Variants in LRRC27 observed in about 807,000 individuals in gnomAD.
The protein encoded by LRRC27 is leucine rich repeat containing 27, also known as leucine-rich repeat-containing protein 27.
Under a neutral mutation model 55.0 loss-of-function variants are expected in LRRC27, and 57 were observed. The ratio of observed to expected loss-of-function variants is 1.04; its 90% CI spans 0.84 to 1.29. LRRC27 has a LOEUF of 1.29. LRRC27 is among the 50% of genes most tolerant of loss of function. LRRC27 has a pLI of 0.00. For missense variants in LRRC27, 721 were observed against 651.5 expected (o/e 1.11, Z -1.16); for synonymous variants, 278 against 251.9 (o/e 1.10, Z -0.98).
intron 9 of LRRC27, among the ~76,000 whole-genome samples, chr10:132,363,158 G>T (rs1229642312): frequency 8.6e-6 from 1 of 116,172 alleles, no homozygotes; most frequent in Admixed American, 8.2e-5. Flanking sequence ...AGCTCGGGGG[G>T]CCAGGGTTCA....
rs2069318307 is a variant in LRRC27, at chr10:132,375,223, ATG to A, written c.1576_1577del (p.Val526SerfsTer77). On this transcript the variant is annotated frameshift_variant, in exon 11 of 11. Coordinates refer to ENST00000368614, the MANE Select transcript of LRRC27 (RefSeq NM_030626.3). LOFTEE classifies it high-confidence loss of function. ...AACACAAAATATGGAGAATCAGGAA[ATG>A]TTCGCAGATACCAGTGACACCAGGT... The A allele has an allele frequency of 6.2e-7, 1 of 1,613,264 alleles. No individual in the cohort carries two copies. The highest frequency in any genetic ancestry group is 1.3e-5 in the African/African-American group (1 of 75,022).
chr10:132,343,851 G>C (rs1274971917), intron 4 of LRRC27, among the ~76,000 whole-genome samples: 1 of 152,208 alleles, frequency 6.6e-6, no homozygotes. Flanking sequence ...TCATTCCGGG[G>C]ACTTCGCCCT....
In LRRC27 at chr10:132,380,341, A is replaced by G. The variant is rs114078529; in HGVS notation, c.*5099A>G. Among the ~76,000 whole-genome samples the G allele has an allele frequency of 2.2e-4, 34 of 152,148 alleles. No homozygotes were observed. Among genetic ancestry groups the G allele is most frequent in the African/African-American group, 8.0e-4 (33 of 41,478 alleles). On this transcript the variant is annotated 3_prime_UTR_variant, in exon 11 of 11. Coordinates refer to ENST00000368614, the MANE Select transcript of LRRC27 (RefSeq NM_030626.3). ...ATTAAATTATAACTGCATGAAATTA[A>G]CTGCAGTCCACAGTGTGCTGCTGGA... is the stretch of plus-strand genomic sequence containing the variant.
chr10:132,353,184 G>C (rs2068148706), intron 7 of LRRC27: 1 of 1,408,312 alleles, frequency 7.1e-7, no homozygotes, highest in Admixed American at 2.9e-5. Flanking sequence ...GGAAGGGAGA[G>C]CGAGGGCCTC....
rs562458126 is a variant in LRRC27 at position 132,372,111 on chromosome 10, G to T, written c.1417-2955G>T. 3.3e-5 allele frequency among the ~76,000 whole-genome samples: 5 copies of T among 152,282 alleles called. No individual in the cohort carries two copies. Among genetic ancestry groups the T allele is most frequent in the African/African-American group, 1.2e-4 (5 of 41,558 alleles). On this transcript the variant is annotated intron_variant, in intron 10 of 10. Transcript: ENST00000368614. The surrounding 1 kb of genome is among the most constrained non-coding windows in gnomAD (Gnocchi z 4.0). ...AAAACCAACCAAAGAAGGATGGGAA[G>T]TGGGGGTCGGGGTGCGGTGGCTCAC...
At chr10:132,332,063 G>C, upstream of LRRC27, 1 of 255,468 alleles carries the variant, frequency 3.9e-6, no homozygotes, top group Non-Finnish European at 7.3e-6. Context: ...CCCACAACAC[G>C]CACACCCCCG....
At chr10:132,373,343 C>T (rs542031655) in intron 10 of LRRC27, among the ~76,000 whole-genome samples, 1 of 152,248 alleles carries the variant, frequency 6.6e-6, no homozygotes, top group East Asian at 1.9e-4. Context: ...GGAGAAGGTG[C>T]AGGAGGGCTC....
chr10:132,348,494 G>A lies in LRRC27; in HGVS notation c.926+138G>A. On this transcript the variant is annotated intron_variant, in intron 6 of 10. Coordinates refer to ENST00000368614, the MANE Select transcript of LRRC27 (RefSeq NM_030626.3). The surrounding 1 kb of genome is among the most constrained non-coding windows in gnomAD (Gnocchi z 4.2). ...ACCGTTTACTGTGCAGTGAGTGCCGGTCCCAGGTTTAGGGTAACGGGGACC... is the reference window on the plus strand; with the variant it reads ...ACCGTTTACTGTGCAGTGAGTGCCGATCCCAGGTTTAGGGTAACGGGGACC... 1 of 1,216,948 alleles carries A rather than the reference G, an allele frequency of 8.2e-7. No individual in the cohort carries two copies. The highest frequency in any genetic ancestry group is 1.1e-6 in the Non-Finnish European group (1 of 871,376). The allele number at this position is 1,216,948 out of a possible 1,614,324, so 75.4% of individuals were successfully genotyped here. A position where few individuals can be genotyped will look rare whatever the true frequency, so the allele number is the denominator to read the frequency against.
upstream of LRRC27, chr10:132,330,355 T>A: frequency 1.5e-6 from 1 of 685,706 alleles, no homozygotes; most frequent in South Asian, 1.5e-5. Flanking sequence ...AGAAATAGCA[T>A]CGTGCTGAAA....
chr10:132,363,689 C>G (rs1005219705), intron 9 of LRRC27, among the ~76,000 whole-genome samples: 23 of 151,684 alleles, frequency 1.5e-4, no homozygotes, highest in African/African-American at 5.6e-4. Context: ...ACCGTGGGGC[C>G]TGAGCTTGGA....
At position 132,381,251 on chromosome 10, in the gene LRRC27, T is replaced by G. The variant is rs1257008681; in HGVS notation, c.*6009T>G. 6.6e-6 allele frequency among the ~76,000 whole-genome samples: 1 copy of G among 152,218 alleles called. No homozygotes were observed. The highest frequency in any genetic ancestry group is 2.4e-5 in the African/African-American group (1 of 41,460). ...TTCATCTCTCTCCCATGCTGGATGC[T>G]TCCTGCCCTTGAACATCAGACTCCA... On this transcript the variant is annotated 3_prime_UTR_variant, in exon 11 of 11. Transcript: ENST00000368614.
chr10:132,359,660 C>T (rs1400936298), intron 8 of LRRC27, among the ~76,000 whole-genome samples: 4 of 152,262 alleles, frequency 2.6e-5, no homozygotes, highest in South Asian at 2.1e-4. Flanking sequence ...CAAGTACATT[C>T]GATGGGGTGG....
upstream of LRRC27, chr10:132,332,153 C>G (rs80284458): frequency 0.08 from 13,378 of 166,852 alleles, 693 homozygotes; most frequent in African/African-American, 0.15. Context: ...GGATTCCGTA[C>G]CGGCGTCTCC....
intron 9 of LRRC27, among the ~76,000 whole-genome samples, chr10:132,364,501 A>C (rs2068882624): frequency 6.5e-4 from 1 of 1,542 alleles, no homozygotes; most frequent in Non-Finnish European, 2.1e-3. Flanking sequence ...ACCCACCCTT[A>C]CATCTACCTC....
chr10:132,372,059 C>T lies in LRRC27; in HGVS notation c.1417-3007C>T, dbSNP rs2069229197. ...CAGCAAAGATGCACAGTGATGCAGC[C>T]CCAGAGCCTGAAAAGCACAGGAAGA... On this transcript the variant is annotated intron_variant, in intron 10 of 10. Transcript: ENST00000368614. The surrounding 1 kb of genome is among the most constrained non-coding windows in gnomAD (Gnocchi z 4.0). 1.3e-5 allele frequency among the ~76,000 whole-genome samples: 2 copies of T among 152,238 alleles called. No individual in the cohort carries two copies. The highest frequency in any genetic ancestry group is 2.9e-5 in the Non-Finnish European group (2 of 68,054).
intron 10 of LRRC27, among the ~76,000 whole-genome samples, chr10:132,368,194 T>G (rs1426626545): frequency 6.6e-6 from 1 of 152,202 alleles, no homozygotes; most frequent in Non-Finnish European, 1.5e-5. Context: ...ATGAAATAAC[T>G]GAATAAATGG....
intron 10 of LRRC27, among the ~76,000 whole-genome samples, chr10:132,370,949 T>A (rs1198163463): frequency 6.6e-6 from 1 of 152,164 alleles, no homozygotes; most frequent in East Asian, 1.9e-4. Flanking sequence ...TTAGAGCAGG[T>A]CCTGAGCAAA....
rs941993061 is a variant in LRRC27, at chr10:132,332,195, T to C, written c.-110T>C. On this transcript the variant is annotated 5_prime_UTR_variant, in exon 1 of 11. Coordinates refer to ENST00000368614, the MANE Select transcript of LRRC27 (RefSeq NM_030626.3). ...ACCGCGTTGGCTGGGTGGCCTCCATTGTCGGGCTGCTGCTCTCAGCGGCGG... is the reference window on the plus strand; with the variant it reads ...ACCGCGTTGGCTGGGTGGCCTCCATCGTCGGGCTGCTGCTCTCAGCGGCGG... 1 of 155,992 alleles carries C rather than the reference T, an allele frequency of 6.4e-6. No individual in the cohort carries two copies. Among genetic ancestry groups the C allele is most frequent in the Middle Eastern group, 3.1e-3 (1 of 322 alleles). 9.7% of individuals were successfully genotyped at this position (155,992 alleles called of 1,614,324 possible).
rs191384544 is a variant in LRRC27, at chr10:132,338,227, A to C, written c.341+532A>C. On this transcript the variant is annotated intron_variant, in intron 3 of 10. Transcript: ENST00000368614. The stretch of plus-strand genomic sequence containing the variant: ...GCTCCTCAGGAGGTTGAGGCAGGAG[A>C]ATTGCTTGACCCCAGGAGGCAGAGG... Among the ~76,000 whole-genome samples, 480 of 152,138 alleles carry C rather than the reference A, an allele frequency of 3.2e-3. 2 individuals are homozygous for C. Among genetic ancestry groups the C allele is most frequent in the African/African-American group, 0.011 (464 of 41,500 alleles).
Sources: allele counts gnomAD v4.1 joint callset (sites outside exome capture counted in the v4.1 genomes callset), GRCh38; gene constraint gnomAD v4.1.1; non-coding constraint Gnocchi (gnomAD v3.1); transcripts MANE v1.5; gene names NCBI Gene and HGNC (gene_info 2026-07-23, HGNC 2026-07-21).